Variants in TTC39B observed in about 807,000 individuals in gnomAD.
TTC39B encodes tetratricopeptide repeat domain 39B.
A neutral mutation model predicts 96.6 loss-of-function variants in TTC39B; 92 were observed. That is an observed-to-expected ratio of 0.95 (90% CI 0.80 to 1.13). TTC39B has a LOEUF of 1.13. TTC39B is among the 50% of genes most tolerant of loss of function. TTC39B has a pLI of 0.00. For missense variants in TTC39B, 955 were observed against 809.3 expected (o/e 1.18, Z -2.18); for synonymous variants, 367 against 299.4 (o/e 1.23, Z -2.33).
At chr9:15,221,594 G>C (rs1820844741) in intron 3 of TTC39B, among the ~76,000 whole-genome samples, 1 of 152,126 alleles carries the variant, frequency 6.6e-6, no homozygotes, top group African/African-American at 2.4e-5. Context: ...CATCAGAACT[G>C]AGGCCTTGGG....
chr9:15,195,307 G>C lies in TTC39B; in HGVS notation c.825-2612C>G, dbSNP rs997113906. ...TATAAAGGCTGAGAGAGGTGAGGAA[G>C]CTGAAGAAAAAAATGTTGGAAGCTA... On this transcript the variant is annotated intron_variant, in intron 8 of 19. Transcript: ENST00000512701. Among the ~76,000 whole-genome samples the C allele has an allele frequency of 2.0e-5, 3 of 152,120 alleles. 1 individual carries two copies. The South Asian group carries it at 6.2e-4, about 32-fold the overall frequency.
intron 1 of TTC39B, among the ~76,000 whole-genome samples, chr9:15,278,755 A>T (rs1223046706): frequency 6.6e-6 from 1 of 152,216 alleles, no homozygotes; most frequent in African/African-American, 2.4e-5. Context: ...ACACCTAGGC[A>T]CTATGTTGAA....
At chr9:15,218,125 G>T (rs10961919) in intron 3 of TTC39B, among the ~76,000 whole-genome samples, 2,505 of 143,342 alleles carry the variant, frequency 0.017, 40 homozygotes, top group Middle Eastern at 0.12. Context: ...AGCTGAGATC[G>T]CGCCACTGCA....
chr9:15,221,686 T>C (rs1342209785), intron 3 of TTC39B, among the ~76,000 whole-genome samples: 2 of 152,210 alleles, frequency 1.3e-5, no homozygotes, highest in Non-Finnish European at 2.9e-5. Flanking sequence ...TGCTTCAAGC[T>C]ATGTCTACTT....
At chr9:15,210,805 A>G (rs1036038267) in intron 5 of TTC39B, among the ~76,000 whole-genome samples, 1 of 148,744 alleles carries the variant, frequency 6.7e-6, no homozygotes, top group Non-Finnish European at 1.5e-5. Context: ...AAAAATTTTG[A>G]TAGGGTCTTC....
At chr9:15,226,890 A>G (rs1439980166) in intron 2 of TTC39B, among the ~76,000 whole-genome samples, 1 of 152,198 alleles carries the variant, frequency 6.6e-6, no homozygotes, top group East Asian at 1.9e-4. Flanking sequence ...ACTCACCTTA[A>G]CAGTACACAT....
intron 11 of TTC39B, among the ~76,000 whole-genome samples, chr9:15,190,132 AT>A (rs1363008642): frequency 1.1e-4 from 16 of 152,138 alleles, no homozygotes; most frequent in Non-Finnish European, 5.9e-5. Context: ...GATCACCTTA[AT>A]ATAGAAATTT....
intron 8 of TTC39B, among the ~76,000 whole-genome samples, chr9:15,198,068 TAA>T (rs1345090972): frequency 6.6e-6 from 1 of 152,104 alleles, no homozygotes; most frequent in East Asian, 1.9e-4. Flanking sequence ...AGAATATGGG[TAA>T]AGAGAGAAGA....
chr9:15,218,709 T>A (rs567120812), intron 3 of TTC39B, among the ~76,000 whole-genome samples: 163 of 152,050 alleles, frequency 1.1e-3, no homozygotes, highest in Middle Eastern at 3.4e-3. Context: ...TACATTCCAA[T>A]TCTTACTTTA....
At chr9:15,204,477 C>T (rs1324694649) in intron 6 of TTC39B, among the ~76,000 whole-genome samples, 3 of 150,896 alleles carry the variant, frequency 2.0e-5, no homozygotes, top group East Asian at 3.9e-4. Context: ...TGCAGTGAGC[C>T]GAGATTGCGC....
At chr9:15,238,110 A>G (rs1564377538) in intron 2 of TTC39B, among the ~76,000 whole-genome samples, 1 of 152,128 alleles carries the variant, frequency 6.6e-6, no homozygotes, top group East Asian at 1.9e-4. Flanking sequence ...AAAGAAACAT[A>G]CCTCAAAATA....
Position 15,171,943 on chromosome 9 carries a change from T to C in TTC39B, c.*76A>G, listed in dbSNP as rs980810337. On this transcript the variant is annotated 3_prime_UTR_variant, in exon 20 of 20. Coordinates refer to ENST00000512701, the Ensembl canonical transcript of TTC39B. Reference sequence around the variant, plus strand: ...TGTCTCTTATTCACAAGATCATTTTTCCACTTTAATATAAGGTTGAATCTA... The same window carrying C: ...TGTCTCTTATTCACAAGATCATTTTCCCACTTTAATATAAGGTTGAATCTA... 8 of 1,129,582 alleles carry C rather than the reference T, an allele frequency of 7.1e-6. No individual in the cohort carries two copies. The African/African-American group carries it at 1.3e-4, about 18-fold the overall frequency. The allele number at this position is 1,129,582 out of a possible 1,614,324, so 70.0% of individuals were successfully genotyped here.
chr9:15,231,519 G>A (rs1300922236), intron 2 of TTC39B, among the ~76,000 whole-genome samples: 1 of 152,116 alleles, frequency 6.6e-6, no homozygotes, highest in Non-Finnish European at 1.5e-5. Flanking sequence ...TGTCTATTCA[G>A]ATTATTTTCC....
At chr9:15,233,636 A>G (rs928837226) in intron 2 of TTC39B, among the ~76,000 whole-genome samples, 6 of 152,274 alleles carry the variant, frequency 3.9e-5, no homozygotes, top group Middle Eastern at 3.4e-3. Flanking sequence ...GGGATTGCAG[A>G]CGGAGTCTCG....
At chr9:15,269,480 T>C (rs1823255377) in intron 1 of TTC39B, among the ~76,000 whole-genome samples, 1 of 152,218 alleles carries the variant, frequency 6.6e-6, no homozygotes, top group Non-Finnish European at 1.5e-5. Flanking sequence ...TTTTCCCTTG[T>C]GTGGCCATTA....
At chr9:15,205,072 T>C (rs1234912233) in intron 6 of TTC39B, among the ~76,000 whole-genome samples, 3 of 152,230 alleles carry the variant, frequency 2.0e-5, no homozygotes, top group Non-Finnish European at 2.9e-5. Context: ...ATGTACGAGC[T>C]ATGGGACCTC....
At chr9:15,303,767 G>A (rs1428742453) in intron 1 of TTC39B, among the ~76,000 whole-genome samples, 1 of 151,942 alleles carries the variant, frequency 6.6e-6, no homozygotes, top group Non-Finnish European at 1.5e-5. Context: ...AAGTAGCTGA[G>A]ATTACAGGTG....
intron 1 of TTC39B, among the ~76,000 whole-genome samples, chr9:15,285,997 A>G (rs984110537): frequency 6.6e-6 from 1 of 152,190 alleles, no homozygotes; most frequent in African/African-American, 2.4e-5. Context: ...CAATCTAGCC[A>G]AACAGTATTT....
At chr9:15,289,633 T>C (rs1365854063) in intron 1 of TTC39B, among the ~76,000 whole-genome samples, 1 of 152,234 alleles carries the variant, frequency 6.6e-6, no homozygotes, top group Non-Finnish European at 1.5e-5. Context: ...TAGGAACAGA[T>C]ACCACAAATC....
Sources: gnomAD v4.1 joint callset for allele counts (sites outside exome capture counted in the v4.1 genomes callset) on GRCh38, gnomAD v4.1.1 for gene constraint, MANE v1.5 for transcripts, NCBI Gene and HGNC (gene_info 2026-07-23, HGNC 2026-07-21) for gene names.